The following SPAST variants were observed in gnomAD, a reference collection of about 807,000 sequenced individuals.
SPAST encodes the protein spastic paraplegia 4 (autosomal dominant; spastin).
A neutral mutation model predicts 76.6 loss-of-function variants in SPAST; 30 were observed. The ratio of observed to expected loss-of-function variants is 0.39; its 90% CI spans 0.29 to 0.53. The LOEUF (loss-of-function observed/expected upper bound fraction) is 0.53, where lower values mean the gene tolerates loss of function less well. SPAST is among the 20% of genes least tolerant of loss of function. The probability of loss-of-function intolerance (pLI) is 0.68; values close to 1 mark genes in which losing one functional copy is unlikely to be tolerated. For missense variants in SPAST, 717 were observed against 770.5 expected (o/e 0.93, Z 0.82); for synonymous variants, 305 against 281.0 (o/e 1.09, Z -0.86).
At chr2:32,109,516 T>A (rs1374600818) in intron 4 of SPAST, among the ~76,000 whole-genome samples, 1 of 152,060 alleles carries the variant, frequency 6.6e-6, no homozygotes, top group Non-Finnish European at 1.5e-5. Flanking sequence ...ATACAGTGTT[T>A]TAACTCTTTT....
chr2:32,106,483 A>T (rs1372282651), intron 4 of SPAST, among the ~76,000 whole-genome samples: 1 of 152,162 alleles, frequency 6.6e-6, no homozygotes, highest in African/African-American at 2.4e-5. Flanking sequence ...CCCCAGTGAG[A>T]TGAACCCAGT....
intron 2 of SPAST, among the ~76,000 whole-genome samples, chr2:32,089,199 ATT>A (rs375585004): frequency 0.15 from 13,338 of 89,672 alleles, 825 homozygotes; most frequent in Middle Eastern, 0.29. Flanking sequence ...TGCTCGGCTA[ATT>A]TTTTTTTTTT....
intron 1 of SPAST, among the ~76,000 whole-genome samples, chr2:32,077,371 C>T (rs1677006370): frequency 1.3e-5 from 2 of 152,172 alleles, no homozygotes; most frequent in Middle Eastern, 3.4e-3. Context: ...CAACTGTGCA[C>T]ACAGTTCAGG....
At chr2:32,107,826 A>T (rs1489306465) in intron 4 of SPAST, among the ~76,000 whole-genome samples, 1 of 152,178 alleles carries the variant, frequency 6.6e-6, no homozygotes, top group Non-Finnish European at 1.5e-5. Context: ...ATACACAGTG[A>T]GTCCAAGTAG....
At chr2:32,085,846 A>G (rs558155632) in intron 1 of SPAST, among the ~76,000 whole-genome samples, 1 of 151,564 alleles carries the variant, frequency 6.6e-6, no homozygotes, top group Non-Finnish European at 1.5e-5. Context: ...GATCGAGACT[A>G]TCCTGAACAA....
intron 4 of SPAST, among the ~76,000 whole-genome samples, chr2:32,112,994 G>T (rs1678674058): frequency 6.6e-6 from 1 of 152,088 alleles, no homozygotes; most frequent in African/African-American, 2.4e-5. Context: ...ATATAGTACA[G>T]CAACACTGGA....
chr2:32,120,400 T>A (rs1678978711), intron 7 of SPAST, among the ~76,000 whole-genome samples: 2 of 152,078 alleles, frequency 1.3e-5, no homozygotes, highest in Admixed American at 1.3e-4. Flanking sequence ...TATTATTCAT[T>A]ACCAAGCCAA....
At chr2:32,069,130 T>C (rs1676644457) in intron 1 of SPAST, among the ~76,000 whole-genome samples, 1 of 151,736 alleles carries the variant, frequency 6.6e-6, no homozygotes, top group Admixed American at 6.6e-5. Flanking sequence ...GGACAATTGC[T>C]TGAACTCCAG....
intron 2 of SPAST, 101 bp downstream of exon 2, chr2:32,087,679 CTTTT>C (rs1677542525): frequency 9.8e-6 from 3 of 304,888 alleles, no homozygotes; most frequent in Non-Finnish European, 1.6e-5. Flanking sequence ...TTCTTTCTTT[CTTTT>C]CTTTTCTTTT....
At chr2:32,082,321 A>G (rs1677268757) in intron 1 of SPAST, among the ~76,000 whole-genome samples, 1 of 151,944 alleles carries the variant, frequency 6.6e-6, no homozygotes, top group African/African-American at 2.4e-5. Flanking sequence ...TACTATAGTA[A>G]TCAAAATTTT....
chr2:32,070,651 A>T (rs151085666), intron 1 of SPAST, among the ~76,000 whole-genome samples: 2 of 152,324 alleles, frequency 1.3e-5, no homozygotes, highest in African/African-American at 4.8e-5. Flanking sequence ...ACATTTTGAG[A>T]CAGGGCCTTG....
At chr2:32,117,880 A>G (rs942875364) in intron 7 of SPAST, among the ~76,000 whole-genome samples, 4 of 152,168 alleles carry the variant, frequency 2.6e-5, no homozygotes, top group African/African-American at 9.7e-5. Context: ...TAAGTCATCA[A>G]AGTAGATAGA....
intron 1 of SPAST, among the ~76,000 whole-genome samples, chr2:32,072,207 TA>T (rs797011368): frequency 6.6e-4 from 78 of 118,888 alleles, no homozygotes; most frequent in African/African-American, 2.3e-3. Context: ...CATGCCCAGC[TA>T]TTTTTTTTGT....
intron 1 of SPAST, among the ~76,000 whole-genome samples, chr2:32,080,330 C>G (rs1677168889): frequency 1.3e-5 from 2 of 151,282 alleles, no homozygotes; most frequent in South Asian, 2.1e-4. Context: ...ACTACTCAAC[C>G]CTGTCACATG....
intron 1 of SPAST, among the ~76,000 whole-genome samples, chr2:32,079,658 A>G (rs1217482671): frequency 7.1e-6 from 1 of 141,124 alleles, no homozygotes; most frequent in African/African-American, 2.7e-5. Context: ...TCCTGGACTC[A>G]AGCAGTCCTA....
chr2:32,108,630 T>C (rs1678413710), intron 4 of SPAST, among the ~76,000 whole-genome samples: 1 of 152,050 alleles, frequency 6.6e-6, no homozygotes, highest in Non-Finnish European at 1.5e-5. Context: ...TTTGTATTTT[T>C]TGTAGAGATG....
chr2:32,101,350 T>C (rs1264982912), intron 4 of SPAST, among the ~76,000 whole-genome samples: 1 of 152,222 alleles, frequency 6.6e-6, no homozygotes. Flanking sequence ...TCTTTGTAGA[T>C]TCTGGATATC....
At chr2:32,089,489 A>G in intron 2 of SPAST, 33 bp from the exon 3 acceptor site, 1 of 1,159,790 alleles carries the variant, frequency 8.6e-7, no homozygotes. Flanking sequence ...TAGTTGGGAA[A>G]TGTAGATATT....
intron 3 of SPAST, among the ~76,000 whole-genome samples, chr2:32,092,452 G>T (rs1252788393): frequency 1.3e-5 from 2 of 152,034 alleles, no homozygotes; most frequent in Admixed American, 6.6e-5. Flanking sequence ...ATAAGAGTTG[G>T]TTTTTATGTT....
Sources: allele counts gnomAD v4.1 joint callset (sites outside exome capture counted in the v4.1 genomes callset), GRCh38; gene constraint gnomAD v4.1.1; transcripts MANE v1.5; gene names NCBI Gene and HGNC (gene_info 2026-07-23, HGNC 2026-07-21).